The following CDH13 variants were observed in gnomAD, a reference collection of about 807,000 sequenced individuals.
CDH13 encodes the protein cadherin 13, also known as cadherin-13.
A neutral mutation model predicts 63.8 loss-of-function variants in CDH13; 24 were observed. The observed-to-expected ratio is 0.38, with a 90% CI of 0.27 to 0.53. CDH13 has a LOEUF of 0.53. Among genes scored for constraint, CDH13 ranks in the 20% least tolerant of loss-of-function variants. CDH13 has a pLI of 0.85. For synonymous variants in CDH13, 503 were observed against 355.3 expected (o/e 1.42, Z -4.67); for missense variants, 1,049 against 903.1 (o/e 1.16, Z -2.07).
rs150462176 is a variant in CDH13 at position 82,701,974 on chromosome 16, C to A, written c.45+74837C>A. ...GGAAATTGGAGGGCTGTTCTTGGAG[C>A]AAGGACATGAATAAGCGGCTTACAA... On this transcript the variant is annotated intron_variant, in intron 1 of 13. Coordinates refer to ENST00000567109, the MANE Select transcript of CDH13 (RefSeq NM_001257.5). 7.2e-4 allele frequency among the ~76,000 whole-genome samples: 109 copies of A among 152,224 alleles called. 1 individual carries two copies. The highest frequency in any genetic ancestry group is 2.4e-3 in the African/African-American group (100 of 41,518).
At chr16:83,464,190 T>A (rs35580676) in intron 6 of CDH13, among the ~76,000 whole-genome samples, 2 of 151,730 alleles carry the variant, frequency 1.3e-5, no homozygotes, top group Non-Finnish European at 2.9e-5. Context: ...CTCTTGAGTA[T>A]CTGGGATTAC....
At chr16:82,974,014 G>C (rs897062741) in intron 2 of CDH13, among the ~76,000 whole-genome samples, 2 of 152,070 alleles carry the variant, frequency 1.3e-5, no homozygotes, top group Non-Finnish European at 2.9e-5. Flanking sequence ...CTGCCTCCCC[G>C]GTTCTAGCGA....
intron 7 of CDH13, among the ~76,000 whole-genome samples, chr16:83,526,867 C>G (rs1444904240): frequency 1.3e-5 from 2 of 152,166 alleles, no homozygotes; most frequent in Admixed American, 1.3e-4. Context: ...GATGGTGGCT[C>G]GTGCCCGTAA....
chr16:83,192,191 G>A (rs1282385723), intron 4 of CDH13, among the ~76,000 whole-genome samples: 1 of 152,106 alleles, frequency 6.6e-6, no homozygotes, highest in African/African-American at 2.4e-5. Context: ...CCCTTCCCAT[G>A]CTGAAGCCTT....
At chr16:83,447,584 C>G (rs74032098) in intron 6 of CDH13, among the ~76,000 whole-genome samples, 33,276 of 151,758 alleles carry the variant, frequency 0.22, 3,899 homozygotes, top group Non-Finnish European at 0.26. Flanking sequence ...AGATCTTTAG[C>G]AAGATGAGTT....
chr16:83,112,705 A>G (rs1225166498), intron 3 of CDH13, among the ~76,000 whole-genome samples: 1 of 152,230 alleles, frequency 6.6e-6, no homozygotes, highest in Non-Finnish European at 1.5e-5. Context: ...TTAGTCAAAA[A>G]GCATGAACAC....
intron 8 of CDH13, among the ~76,000 whole-genome samples, chr16:83,629,064 C>T (rs1234044367): frequency 6.6e-6 from 1 of 152,110 alleles, no homozygotes; most frequent in Non-Finnish European, 1.5e-5. Flanking sequence ...CCTTATGTTC[C>T]TGCTACTGAG....
In CDH13 at chr16:83,443,821, G is replaced by C. The variant is rs2151499382; in HGVS notation, c.782-42656G>C. ...TTGGTGGCATGTGCCTGTAGTCCCAGCTACTCAGGAGGCTGAGGTGGGAGG... is the reference window on the plus strand; with the variant it reads ...TTGGTGGCATGTGCCTGTAGTCCCACCTACTCAGGAGGCTGAGGTGGGAGG... On this transcript the variant is annotated intron_variant, in intron 6 of 13. Coordinates refer to ENST00000567109, the MANE Select transcript of CDH13 (RefSeq NM_001257.5). 1.4e-5 allele frequency among the ~76,000 whole-genome samples: 2 copies of C among 144,846 alleles called. 1 individual carries two copies. The highest frequency in any genetic ancestry group is 4.3e-4 in the South Asian group (2 of 4,616).
At chr16:82,906,550 C>G (rs944554890) in intron 2 of CDH13, among the ~76,000 whole-genome samples, 1 of 152,130 alleles carries the variant, frequency 6.6e-6, no homozygotes, top group East Asian at 1.9e-4. Flanking sequence ...TTCTCATTGC[C>G]AGGATTTTAA....
At chr16:82,924,007 C>G (rs2042232990) in intron 2 of CDH13, among the ~76,000 whole-genome samples, 1 of 152,136 alleles carries the variant, frequency 6.6e-6, no homozygotes, top group Non-Finnish European at 1.5e-5. Flanking sequence ...ATTGGCTTCT[C>G]AAAACTTGTA....
chr16:83,130,765 A>G (rs2036008563), intron 4 of CDH13, among the ~76,000 whole-genome samples: 1 of 152,230 alleles, frequency 6.6e-6, no homozygotes, highest in Non-Finnish European at 1.5e-5. Context: ...CTTGCATTTC[A>G]AGAGGGTGAA....
At chr16:83,571,326 T>C (rs1052315764) in intron 7 of CDH13, among the ~76,000 whole-genome samples, 13 of 152,124 alleles carry the variant, frequency 8.5e-5, no homozygotes, top group Non-Finnish European at 1.6e-4. Flanking sequence ...AGAAATACAA[T>C]TGACAGTTGC....
intron 6 of CDH13, among the ~76,000 whole-genome samples, chr16:83,398,677 T>A (rs1314576293): frequency 1.3e-5 from 2 of 152,238 alleles, no homozygotes; most frequent in East Asian, 3.8e-4. Flanking sequence ...ACTTCTAACA[T>A]GTTCACAGTT....
chr16:83,244,958 T>A (rs375576525), intron 5 of CDH13, among the ~76,000 whole-genome samples: 1 of 152,248 alleles, frequency 6.6e-6, no homozygotes, highest in South Asian at 2.1e-4. Context: ...CATATCTATT[T>A]GTACGGTTTA....
At position 82,899,095 on chromosome 16, in the gene CDH13, C is replaced by A. The variant is rs1293438677; in HGVS notation, c.157+40622C>A. 2.0e-5 allele frequency among the ~76,000 whole-genome samples: 3 copies of A among 152,198 alleles called. No individual in the cohort carries two copies. In the East Asian group the frequency reaches 5.8e-4, roughly 29 times the overall value. ...TCTGAAGGGTCCATCACAGTGTCCA[C>A]TTCAGTTGTCTAGAGAAATAGAGGG... On this transcript the variant is annotated intron_variant, in intron 2 of 13. Coordinates refer to ENST00000567109, the MANE Select transcript of CDH13 (RefSeq NM_001257.5).
At chr16:82,933,014 TA>T (rs568434222) in intron 2 of CDH13, among the ~76,000 whole-genome samples, 40 of 152,308 alleles carry the variant, frequency 2.6e-4, no homozygotes, top group African/African-American at 9.4e-4. Context: ...ACCAATTTCA[TA>T]TTTTTTTATA....
At chr16:83,252,138 GTA>G (rs59872467) in intron 5 of CDH13, among the ~76,000 whole-genome samples, 36,641 of 120,370 alleles carry the variant, frequency 0.3, 5,019 homozygotes, top group African/African-American at 0.35. Flanking sequence ...ACATATATAT[GTA>G]TATATATATA....
At chr16:82,867,225 C>T (rs1178548388) in intron 2 of CDH13, among the ~76,000 whole-genome samples, 1 of 152,162 alleles carries the variant, frequency 6.6e-6, no homozygotes, top group African/African-American at 2.4e-5. Flanking sequence ...AAAATTTGAA[C>T]CCAGGATTTT....
At chr16:83,531,903 C>T (rs770980779) in intron 7 of CDH13, among the ~76,000 whole-genome samples, 3 of 152,130 alleles carry the variant, frequency 2.0e-5, no homozygotes, top group Non-Finnish European at 4.4e-5. Context: ...TCACAAGAAG[C>T]TCTGATATGG....
Sources: allele counts gnomAD v4.1 joint callset (sites outside exome capture counted in the v4.1 genomes callset), GRCh38; gene constraint gnomAD v4.1.1; transcripts MANE v1.5; gene names NCBI Gene and HGNC (gene_info 2026-07-23, HGNC 2026-07-21).